MTG1: variants seen among roughly 807,000 people sequenced by gnomAD.
MTG1 encodes the protein mitochondrial ribosome associated GTPase 1, also known as mitochondrial ribosome-associated GTPase 1.
In MTG1, 30 loss-of-function variants were observed where a neutral mutation model predicts 39.5. The ratio of observed to expected loss-of-function variants is 0.76; its 90% CI spans 0.57 to 1.03. The LOEUF is 1.03. Among genes scored for constraint, MTG1 ranks in the 50% least tolerant of loss-of-function variants. MTG1 has a pLI of 0.00. For missense variants in MTG1, 513 were observed against 447.4 expected (o/e 1.15, Z -1.32); for synonymous variants, 217 against 179.0 (o/e 1.21, Z -1.69).
At chr10:133,398,723 G>A (rs570350308) in intron 4 of MTG1, among the ~76,000 whole-genome samples, 1 of 152,208 alleles carries the variant, frequency 6.6e-6, no homozygotes, top group Non-Finnish European at 1.5e-5. Flanking sequence ...CGCATTCCAG[G>A]GTTGTAGGTG....
At chr10:133,408,481 A>ATC (rs1850000784) in intron 9 of MTG1, among the ~76,000 whole-genome samples, 1 of 152,194 alleles carries the variant, frequency 6.6e-6, no homozygotes, top group Non-Finnish European at 1.5e-5. Flanking sequence ...GGATTTCTGC[A>ATC]TCTGTGTTCA....
rs777637979 is a variant in MTG1, at chr10:133,401,539, C to CAGGGT, written c.523_527dup (p.Gly178TrpfsTer11). ...CTCCTTTTCCTACAGGGAAAGCCACCAGGGTGGGTGGCGAGCCTGGGATCA... is the reference window on the plus strand; with the variant it reads ...CTCCTTTTCCTACAGGGAAAGCCACCAGGGTAGGGTGGGTGGCGAGCCTGGGATCA... On this transcript the variant is annotated frameshift_variant, in exon 7 of 11. Coordinates refer to ENST00000317502, the MANE Select transcript of MTG1 (RefSeq NM_138384.4). LOFTEE classifies it high-confidence loss of function. 15 of 1,582,716 alleles carry CAGGGT rather than the reference C, an allele frequency of 9.5e-6. No homozygotes were observed. Among genetic ancestry groups the CAGGGT allele is most frequent in the Non-Finnish European group, 1.3e-5 (15 of 1,163,264 alleles).
Position 133,402,851 on chromosome 10 carries a change from AC to A in MTG1, c.752+83del. On this transcript the variant is annotated intron_variant, in intron 9 of 10. Coordinates refer to ENST00000317502, the MANE Select transcript of MTG1 (RefSeq NM_138384.4). This position sits in a 1 kb window ranked among gnomAD's most constrained non-coding sequence, Gnocchi z 4.7. The stretch of plus-strand genomic sequence containing the variant: ...TTAAAAAAAAAAAACAAACAAAAAA[AC>A]CCCCAGCATTATAAAGGTATTATAA... The A allele has an allele frequency of 1.8e-6, 2 of 1,100,766 alleles. No individual in the cohort carries two copies. Among genetic ancestry groups the A allele is most frequent in the Non-Finnish European group, 2.6e-6 (2 of 768,622 alleles). 68.2% of individuals were successfully genotyped at this position (1,100,766 alleles called of 1,614,324 possible).
Position 133,399,522 on chromosome 10 carries a change from T to G in MTG1, c.421-7T>G. The G allele has an allele frequency of 6.2e-7, 1 of 1,613,768 alleles. No individual in the cohort carries two copies. Among genetic ancestry groups the G allele is most frequent in the Non-Finnish European group, 8.5e-7 (1 of 1,179,716 alleles). On this transcript the variant is annotated splice_region_variant and splice_polypyrimidine_tract_variant and intron_variant, in intron 5 of 10. Coordinates refer to ENST00000317502, the MANE Select transcript of MTG1 (RefSeq NM_138384.4). ...GGGCCCTGTGACCCCTCTCTCTGCC[T>G]GCGCAGAACCTGGAGTACTGTATCA...
intron 3 of MTG1, among the ~76,000 whole-genome samples, chr10:133,397,833 C>T (rs1246915479): frequency 3.4e-5 from 5 of 148,966 alleles, no homozygotes; most frequent in Non-Finnish European, 4.4e-5. Context: ...GGTACTTTTA[C>T]GTCATATCAG....
chr10:133,399,734 G>C lies in MTG1; in HGVS notation c.511+115G>C, dbSNP rs2133495520. ...GCCCGAGGAGCACTGCCAGTCTTCTGCTGACCCCGCAGCCCCAGAGCACAT... is the reference window on the plus strand; with the variant it reads ...GCCCGAGGAGCACTGCCAGTCTTCTCCTGACCCCGCAGCCCCAGAGCACAT... On this transcript the variant is annotated intron_variant, in intron 6 of 10. Transcript: ENST00000317502. 4 of 1,034,062 alleles carry C rather than the reference G, an allele frequency of 3.9e-6. No homozygotes were observed. In the East Asian group the frequency reaches 7.3e-5, roughly 19 times the overall value. 64.1% of individuals were successfully genotyped at this position (1,034,062 alleles called of 1,614,324 possible). A position where few individuals can be genotyped will look rare whatever the true frequency, so the allele number is the denominator to read the frequency against.
intron 3 of MTG1, among the ~76,000 whole-genome samples, chr10:133,397,771 T>C (rs1228814471): frequency 6.8e-6 from 1 of 146,040 alleles, no homozygotes; most frequent in Non-Finnish European, 1.5e-5. Context: ...AGTCACTGCG[T>C]CCAGCCTGTT....
At chr10:133,394,798 TCTTA>T (rs1253341376) in intron 1 of MTG1, 1 of 952,296 alleles carries the variant, frequency 1.1e-6, no homozygotes, top group African/African-American at 1.8e-5. Flanking sequence ...CTTTGGTAAT[TCTTA>T]CTGTTTGTCA....
intron 9 of MTG1, among the ~76,000 whole-genome samples, chr10:133,416,325 T>C (rs1269828134): frequency 1.3e-5 from 2 of 151,712 alleles, no homozygotes; most frequent in Non-Finnish European, 2.9e-5. Flanking sequence ...TTTCTTCTCA[T>C]TAGGGGGTCT....
At chr10:133,394,412 C>T in intron 1 of MTG1, 80 bp downstream of exon 1, 4 of 1,348,484 alleles carry the variant, frequency 3.0e-6, no homozygotes, top group African/African-American at 1.5e-5. Context: ...TTTCGGCCGT[C>T]GCCTGCTTCT....
At position 133,399,583 on chromosome 10, in the gene MTG1, C is replaced by A. The variant is rs1329853305; in HGVS notation, c.475C>A (p.Leu159Ile). Residue 159 changes from leucine to isoleucine, a missense_variant, in exon 6 of 11, where the codon CTC becomes ATC. Coordinates refer to ENST00000317502, the MANE Select transcript of MTG1 (RefSeq NM_138384.4). ...GGTCCCCAACGTGGGCAAGTCCTCC[C>A]TCATCAACTCCCTCCGGAGGCAGCA... ...IGVPNVGKSS[L>I]INSLRRQHLR... is the part of the protein sequence containing the mutation. 6.2e-7 allele frequency: 1 copy of A among 1,614,080 alleles called. No homozygotes were observed. The highest frequency in any genetic ancestry group is 8.5e-7 in the Non-Finnish European group (1 of 1,180,034).
At position 133,395,806 on chromosome 10, in the gene MTG1, CT is replaced by C. The variant is rs746433924; in HGVS notation, c.177+30del. The C allele has an allele frequency of 1.9e-6, 3 of 1,610,344 alleles. No homozygotes were observed. The East Asian group carries it at 6.7e-5, about 36-fold the overall frequency. The stretch of plus-strand genomic sequence containing the variant: ...TCCTTTCACAGAGCAGGGGAGGCCC[CT>C]CTGCCTGAAGTCATATTACACATTA... On this transcript the variant is annotated intron_variant, in intron 2 of 10. Coordinates refer to ENST00000317502, the MANE Select transcript of MTG1 (RefSeq NM_138384.4).
intron 9 of MTG1, among the ~76,000 whole-genome samples, chr10:133,416,727 A>G (rs1266024353): frequency 1.4e-5 from 2 of 146,748 alleles, no homozygotes; most frequent in Non-Finnish European, 3.0e-5. Flanking sequence ...TACAAAGGAC[A>G]TGAACTCATC....
chr10:133,417,737 G>C (rs898898302), intron 9 of MTG1, among the ~76,000 whole-genome samples: 2 of 152,118 alleles, frequency 1.3e-5, no homozygotes, highest in African/African-American at 4.8e-5. Flanking sequence ...ACCAATAACA[G>C]ACAAACAGCC....
In MTG1 at chr10:133,421,055, G is replaced by C. The variant is rs548661106; in HGVS notation, c.*890G>C. On this transcript the variant is annotated 3_prime_UTR_variant, in exon 11 of 11. Coordinates refer to ENST00000317502, the MANE Select transcript of MTG1 (RefSeq NM_138384.4). ...AAGGTGCTGCAGGACCTGGGGCCAG[G>C]GACATCCTGTGCAGAAGCTCCGGCT... The C allele has an allele frequency of 6.6e-6, 1 of 152,486 alleles. No individual in the cohort carries two copies. Among genetic ancestry groups the C allele is most frequent in the Admixed American group, 6.5e-5 (1 of 15,284 alleles). The allele number at this position is 152,486 out of a possible 1,614,324, so 9.4% of individuals were successfully genotyped here.
chr10:133,412,872 A>G (rs945879464), intron 9 of MTG1, among the ~76,000 whole-genome samples: 34 of 152,022 alleles, frequency 2.2e-4, no homozygotes, highest in Admixed American at 2.0e-4. Context: ...TATTTGTACT[A>G]CCAATTATTG....
intron 9 of MTG1, among the ~76,000 whole-genome samples, chr10:133,419,122 C>G (rs2133519243): frequency 6.6e-6 from 1 of 152,320 alleles, no homozygotes; most frequent in East Asian, 1.9e-4. Context: ...AGGACCTGGG[C>G]CTGCACAGAG....
chr10:133,421,100 C>G lies in MTG1; in HGVS notation c.*935C>G, dbSNP rs1850225248. ...CCGGCTGCCTCTTTGCGGTGGTGGC[C>G]TGACCGTCCCACAGCAGCCTCCACC... On this transcript the variant is annotated 3_prime_UTR_variant, in exon 11 of 11. Coordinates refer to ENST00000317502, the MANE Select transcript of MTG1 (RefSeq NM_138384.4). 6.6e-6 allele frequency: 1 copy of G among 152,510 alleles called. No individual in the cohort carries two copies. Among genetic ancestry groups the G allele is most frequent in the Non-Finnish European group, 1.5e-5 (1 of 68,280 alleles). The allele number at this position is 152,510 out of a possible 1,614,324, so 9.4% of individuals were successfully genotyped here.
chr10:133,421,039 C>T lies in MTG1; in HGVS notation c.*874C>T, dbSNP rs80343841. 4.6e-3 allele frequency: 702 copies of T among 152,658 alleles called. 2 individuals are homozygous for T. Among genetic ancestry groups the T allele is most frequent in the South Asian group, 0.016 (77 of 4,828 alleles). 9.5% of individuals were successfully genotyped at this position (152,658 alleles called of 1,614,324 possible). On this transcript the variant is annotated 3_prime_UTR_variant, in exon 11 of 11. Transcript: ENST00000317502. The stretch of plus-strand genomic sequence containing the variant: ...GCTGGTAGTATGGACTAAGGTGCTG[C>T]AGGACCTGGGGCCAGGGACATCCTG...
Sources: gnomAD v4.1 joint callset for allele counts (sites outside exome capture counted in the v4.1 genomes callset) on GRCh38, gnomAD v4.1.1 for gene constraint, Gnocchi (gnomAD v3.1) non-coding constraint, MANE v1.5 for transcripts, NCBI Gene and HGNC (gene_info 2026-07-23, HGNC 2026-07-21) for gene names.